UGT3A1: variants seen among roughly 807,000 people sequenced by gnomAD.
The protein encoded by UGT3A1 is UDP glycosyltransferase family 3 member A1.
Under a neutral mutation model 37.6 loss-of-function variants are expected in UGT3A1, and 40 were observed. The ratio of observed to expected loss-of-function variants is 1.06; its 90% CI spans 0.83 to 1.38. The LOEUF (loss-of-function observed/expected upper bound fraction) is 1.38, where lower values mean the gene tolerates loss of function less well. Among genes scored for constraint, UGT3A1 ranks in the 40% most tolerant of loss-of-function variants. UGT3A1 has a pLI of 0.00. For missense variants in UGT3A1, 642 were observed against 634.2 expected, an observed-to-expected ratio of 1.01 and a Z score of -0.13; for synonymous variants, 256 against 232.3, an observed-to-expected ratio of 1.10 and a Z score of -0.93.
At chr5:35,986,096 T>C (rs1235804856) in intron 2 of UGT3A1, among the ~76,000 whole-genome samples, 1 of 152,178 alleles carries the variant, frequency 6.6e-6, no homozygotes, top group Non-Finnish European at 1.5e-5. Context: ...TTCACCATTA[T>C]TTATCCTCAG....
intron 6 of UGT3A1, 124 bp from the exon 7 acceptor site, chr5:35,954,602 T>G (rs1174295095): frequency 7.8e-7 from 1 of 1,282,578 alleles, no homozygotes; most frequent in Non-Finnish European, 1.1e-6. Context: ...AAGGCTGGGC[T>G]GCAAAGAAAA....
chr5:35,964,581 G>A (rs184049003), intron 4 of UGT3A1, among the ~76,000 whole-genome samples: 5 of 152,246 alleles, frequency 3.3e-5, no homozygotes, highest in Non-Finnish European at 7.4e-5. Flanking sequence ...CCAGGGTCTC[G>A]TGGCCTCTGC....
chr5:35,965,719 G>A lies in UGT3A1; in HGVS notation c.510C>T (p.Phe170=), dbSNP rs184080185. The A allele has an allele frequency of 6.8e-6, 11 of 1,614,162 alleles. No homozygotes were observed. Among genetic ancestry groups the A allele is most frequent in the East Asian group, 2.2e-5 (1 of 44,876 alleles). ...KPFVAILPTT[F]GSLDFGLPSP... is the part of the protein sequence containing the mutation. ...TTGGTAGCCCAAAATCCAAAGAGCC[G>A]AATGTGGTGGGAAGAATGGCCACAA... is the stretch of plus-strand genomic sequence containing the variant. Residue 170 remains phenylalanine (F), a synonymous_variant, in exon 4 of 7, where the codon TTC becomes TTT. Coordinates refer to ENST00000274278, the MANE Select transcript of UGT3A1 (RefSeq NM_152404.4).
rs1400771395 is a variant in UGT3A1, at chr5:35,977,118, GA to G, written c.197-8986del. 9.5e-4 allele frequency among the ~76,000 whole-genome samples: 144 copies of G among 150,814 alleles called. 5 individuals carry two copies. The highest frequency in any genetic ancestry group is 3.3e-3 in the African/African-American group (134 of 41,054). On this transcript the variant is annotated intron_variant, in intron 2 of 6. Coordinates refer to ENST00000274278, the MANE Select transcript of UGT3A1 (RefSeq NM_152404.4). ...AAAGAAAGAAAGAGAAAGAGAGAAA[GA>G]AAAGAAGGAAGGAAGGAAAGAAGGA...
rs765956800 is a variant in UGT3A1, at chr5:35,957,289, T to C, written c.974A>G (p.Gln325Arg). The change falls in exon 5 of 7, where the codon CAA (glutamine) becomes CGA (arginine). Residue 325 changes from glutamine (Q) to arginine (R), a missense_variant. Transcript: ENST00000274278. ...KMHNAFAHLPQGVIWTCQSSH... is the reference protein window; with the variant it reads ...KMHNAFAHLPRGVIWTCQSSH... ...ACTCTGACATGTCCATATCACTCCT[T>C]GAGGGAGGTGGGCAAAGGCATTGTG... 2 of 1,614,126 alleles carry C rather than the reference T, an allele frequency of 1.2e-6. No homozygotes were observed. The highest frequency in any genetic ancestry group is 1.7e-6 in the Non-Finnish European group (2 of 1,180,006).
intron 2 of UGT3A1, among the ~76,000 whole-genome samples, chr5:35,979,849 C>A (rs373397346): frequency 1.2e-4 from 18 of 152,298 alleles, no homozygotes; most frequent in African/African-American, 4.3e-4. Context: ...GGAGGCCCCA[C>A]AATCATGGCA....
chr5:35,957,384 T>C lies in UGT3A1; in HGVS notation c.879A>G (p.Ala293=), dbSNP rs201281335. Residue 293 remains alanine, a synonymous_variant, in exon 5 of 7, where the codon GCA becomes GCG. Transcript: ENST00000274278. The part of the protein sequence containing the change: ...LDNFIANFGD[A]GFVLVAFGSM... Reference sequence around the variant, plus strand: ...AGCCAAAGGCCACAAGGACAAACCCTGCATCCCCAAAGTTGGCAATGAAGT... The same window carrying C: ...AGCCAAAGGCCACAAGGACAAACCCCGCATCCCCAAAGTTGGCAATGAAGT... 56 of 1,614,116 alleles carry C rather than the reference T, an allele frequency of 3.5e-5. 1 individual carries two copies. The East Asian group carries it at 1.2e-3, about 33-fold the overall frequency.
In UGT3A1 at chr5:35,981,880, G is replaced by T. The variant is rs2149983869; in HGVS notation, c.196+6570C>A. ...GCCCAGAGGCCTAGGAGGGGAAAATGGTTTTGTGGGCTAGGCCCAGGACCC... is the reference window on the plus strand; with the variant it reads ...GCCCAGAGGCCTAGGAGGGGAAAATTGTTTTGTGGGCTAGGCCCAGGACCC... On this transcript the variant is annotated intron_variant, in intron 2 of 6. Transcript: ENST00000274278. 1.3e-5 allele frequency among the ~76,000 whole-genome samples: 2 copies of T among 152,344 alleles called. 1 individual carries two copies. Among genetic ancestry groups the T allele is most frequent in the Middle Eastern group, 6.8e-3 (2 of 294 alleles).
intron 2 of UGT3A1, among the ~76,000 whole-genome samples, 178 bp from the exon 3 acceptor site, chr5:35,968,311 T>C (rs899435335): frequency 5.9e-5 from 9 of 152,240 alleles, no homozygotes; most frequent in African/African-American, 2.2e-4. Flanking sequence ...CCTGATAATA[T>C]TGAGACTTTA....
At chr5:35,966,971 T>A (rs1487006141) in intron 3 of UGT3A1, among the ~76,000 whole-genome samples, 1 of 152,234 alleles carries the variant, frequency 6.6e-6, no homozygotes, top group Non-Finnish European at 1.5e-5. Context: ...AAAGAATGAT[T>A]TTTAAATATT....
chr5:35,977,126 GGAAGGAAGGAAA>G (rs1313136318), intron 2 of UGT3A1, among the ~76,000 whole-genome samples: 1 of 150,104 alleles, frequency 6.7e-6, no homozygotes, highest in East Asian at 2.0e-4. Flanking sequence ...AAGAAAAGAA[GGAAGGAAGGAAA>G]GAAGGAAGGA....
At chr5:35,971,953 T>C (rs1441816253) in intron 2 of UGT3A1, among the ~76,000 whole-genome samples, 1 of 152,056 alleles carries the variant, frequency 6.6e-6, no homozygotes, top group Non-Finnish European at 1.5e-5. Flanking sequence ...AGTGTGAGGT[T>C]TCCTGCTGCG....
At chr5:35,983,483 AC>A (rs1431631417) in intron 2 of UGT3A1, among the ~76,000 whole-genome samples, 3 of 152,064 alleles carry the variant, frequency 2.0e-5, no homozygotes, top group Non-Finnish European at 2.9e-5. Flanking sequence ...AAATAACGAA[AC>A]CAATTCTACT....
At chr5:35,959,583 G>T (rs1255490224) in intron 4 of UGT3A1, among the ~76,000 whole-genome samples, 1 of 151,718 alleles carries the variant, frequency 6.6e-6, no homozygotes, top group East Asian at 1.9e-4. Context: ...GTGGGCAAAA[G>T]AAATAATCAG....
rs1415239270 is a variant in UGT3A1, at chr5:35,952,791, G to C, written c.*1411C>G. ...CGCACACAGATACACACACTCTAAT[G>C]TACTTCTGCGTGCTTCATGCTTCTG... On this transcript the variant is annotated 3_prime_UTR_variant, in exon 7 of 7. Coordinates refer to ENST00000274278, the MANE Select transcript of UGT3A1 (RefSeq NM_152404.4). The C allele has an allele frequency of 6.6e-6, 1 of 152,152 alleles. No individual in the cohort carries two copies. The highest frequency in any genetic ancestry group is 1.5e-5 in the Non-Finnish European group (1 of 68,028). The allele number at this position is 152,152 out of a possible 1,614,324, so 9.4% of individuals were successfully genotyped here. A position where few individuals can be genotyped will look rare whatever the true frequency, so the allele number is the denominator to read the frequency against.
upstream of UGT3A1, among the ~76,000 whole-genome samples, chr5:35,993,739 G>A (rs1741023246): frequency 6.6e-6 from 1 of 152,114 alleles, no homozygotes; most frequent in African/African-American, 2.4e-5. Context: ...GAGTGAAAGT[G>A]ACCCAGCCTG....
At chr5:35,992,393 C>T (rs1455768142), upstream of UGT3A1, among the ~76,000 whole-genome samples, 4 of 151,626 alleles carry the variant, frequency 2.6e-5, no homozygotes, top group South Asian at 2.1e-4. Flanking sequence ...GTTGGGGGAG[C>T]GAAAGGGAGA....
rs992104884 is a variant in UGT3A1 at position 35,978,748 on chromosome 5, T to TC, written c.196+9701dup. Among the ~76,000 whole-genome samples, 11 of 152,038 alleles carry TC rather than the reference T, an allele frequency of 7.2e-5. 1 individual carries two copies. Among genetic ancestry groups the TC allele is most frequent in the African/African-American group, 2.2e-4 (9 of 41,474 alleles). On this transcript the variant is annotated intron_variant, in intron 2 of 6. Transcript: ENST00000274278. ...CAAAACAATCATGCCTTCCCAATAG[T>TC]CCCCCATAGTCTTAACTCATTTCAG... is the stretch of plus-strand genomic sequence containing the variant.
chr5:35,954,353 TA>T lies in UGT3A1; in HGVS notation c.1420del (p.Tyr474MetfsTer47). 1 of 1,614,138 alleles carries T rather than the reference TA, an allele frequency of 6.2e-7. No homozygotes were observed. Among genetic ancestry groups the T allele is most frequent in the Non-Finnish European group, 8.5e-7 (1 of 1,180,018 alleles). On this transcript the variant is annotated frameshift_variant, in exon 7 of 7. Coordinates refer to ENST00000274278, the MANE Select transcript of UGT3A1 (RefSeq NM_152404.4). LOFTEE classifies it low-confidence loss of function (END_TRUNC). ...QTGGATHLKPYAFQQPWHEQY... is the reference protein window; with the variant it reads ...QTGGATHLKPXAFQQPWHEQY... ...CTCATGCCAAGGCTGCTGGAAGGCA[TA>T]GGGCTTGAGGTGCGTCGCTCCCCCA... is the stretch of plus-strand genomic sequence containing the variant.
Sources: allele counts gnomAD v4.1 joint callset (sites outside exome capture counted in the v4.1 genomes callset), GRCh38; gene constraint gnomAD v4.1.1; transcripts MANE v1.5; gene names NCBI Gene and HGNC (gene_info 2026-07-23, HGNC 2026-07-21).